The following ARHGAP29 variants were observed in gnomAD, a reference collection of about 807,000 sequenced individuals.
ARHGAP29 encodes the protein Rho GTPase activating protein 29, also known as rho GTPase-activating protein 29.
A neutral mutation model predicts 122.6 loss-of-function variants in ARHGAP29; 43 were observed. That is an observed-to-expected ratio of 0.35 (90% CI 0.27 to 0.45). The LOEUF is 0.45. ARHGAP29 is among the 20% of genes least tolerant of loss of function. ARHGAP29 has a pLI of 1.00. For synonymous variants in ARHGAP29, 506 were observed against 497.1 expected, an observed-to-expected ratio of 1.02 and a Z score of -0.24; for missense variants, 1,303 against 1,477.2, an observed-to-expected ratio of 0.88 and a Z score of 1.93.
At chr1:94,289,158 A>G in the ARHGAP29 span, among the ~76,000 whole-genome samples, 1 of 152,008 alleles carries the variant, frequency 6.6e-6, no homozygotes, top group Non-Finnish European at 1.5e-5. Flanking sequence ...GTCCTCTTTC[A>G]TTTTGTTGAG....
At chr1:94,277,553 A>G (rs1655233596), upstream of ARHGAP29, among the ~76,000 whole-genome samples, 1 of 152,204 alleles carries the variant, frequency 6.6e-6, no homozygotes, top group Admixed American at 6.5e-5. Context: ...TTTTGAAAGT[A>G]CCAATTATTT....
intron 7 of ARHGAP29, 69 bp from the exon 8 acceptor site, chr1:94,204,063 A>C (rs1651037585): frequency 1.6e-6 from 2 of 1,229,652 alleles, no homozygotes; most frequent in Admixed American, 3.7e-5. Flanking sequence ...CTCTAAAATT[A>C]CTTGTAGTAA....
intron 16 of ARHGAP29, 110 bp from the exon 17 acceptor site, chr1:94,185,591 A>C (rs1016842632): frequency 5.0e-6 from 5 of 999,618 alleles, no homozygotes; most frequent in Non-Finnish European, 6.7e-6. Context: ...ATATTATAAA[A>C]AGCTTTGAAT....
At chr1:94,265,043 A>G (rs1242302281) in intron 1 of ARHGAP29, among the ~76,000 whole-genome samples, 1 of 152,192 alleles carries the variant, frequency 6.6e-6, no homozygotes, top group African/African-American at 2.4e-5. Flanking sequence ...CAGAATATGA[A>G]AGGAGTGTAT....
chr1:94,310,731 A>G, the ARHGAP29 span, among the ~76,000 whole-genome samples: 1 of 151,718 alleles, frequency 6.6e-6, no homozygotes, highest in Non-Finnish European at 1.5e-5. Context: ...TTGTGTTTAT[A>G]CCCTCAAATT....
chr1:94,202,556 C>T lies in ARHGAP29; in HGVS notation c.1131G>A (p.Glu377=). ...QLEKKRRLEE[E]ALQKVEEANE... ...AAAAGATCGTTACTTTTTGGAGAGC[C>T]TCCTCTTCCAACCTTCGCTTTTTTT... Residue 377 remains glutamate, a synonymous_variant, in exon 11 of 23, where the codon GAG becomes GAA. Transcript: ENST00000260526. The T allele has an allele frequency of 6.2e-7, 1 of 1,613,906 alleles. No individual in the cohort carries two copies. Among genetic ancestry groups the T allele is most frequent in the South Asian group, 1.1e-5 (1 of 90,978 alleles).
intron 12 of ARHGAP29, chr1:94,190,583 T>G (rs1650072672): frequency 6.6e-6 from 1 of 152,510 alleles, no homozygotes; most frequent in Admixed American, 6.5e-5. Context: ...CAAAATAAAT[T>G]ATTCCATTGA....
chr1:94,290,851 T>G, the ARHGAP29 span, among the ~76,000 whole-genome samples: 1 of 152,232 alleles, frequency 6.6e-6, no homozygotes, highest in South Asian at 2.1e-4. Flanking sequence ...AATTATGTGG[T>G]CAATTTTAGA....
intron 2 of ARHGAP29, among the ~76,000 whole-genome samples, chr1:94,224,671 G>C (rs1199669408): frequency 6.6e-6 from 1 of 151,914 alleles, no homozygotes; most frequent in Non-Finnish European, 1.5e-5. Flanking sequence ...AAAGGTCCTG[G>C]GAGTCCCTGC....
chr1:94,304,854 G>A, the ARHGAP29 span, among the ~76,000 whole-genome samples: 4 of 152,220 alleles, frequency 2.6e-5, no homozygotes, highest in Admixed American at 6.5e-5. Context: ...GTCAGTTCAG[G>A]ACATAATGAT....
rs764465536 is a variant in ARHGAP29 at position 94,181,410 on chromosome 1, G to A, written c.2248-1453C>T. ...GCAATGTCAAACACAAAGGACAGAC[G>A]GGCAACTATCTGAAAATGGGGATTT... is the stretch of plus-strand genomic sequence containing the variant. On this transcript the variant is annotated intron_variant, in intron 19 of 22. Coordinates refer to ENST00000260526, the MANE Select transcript of ARHGAP29 (RefSeq NM_004815.4). Among the ~76,000 whole-genome samples the A allele has an allele frequency of 5.3e-5, 8 of 152,222 alleles. No individual in the cohort carries two copies. The Middle Eastern group carries it at 0.01, about 194-fold the overall frequency.
At chr1:94,198,974 G>T (rs942403683) in intron 12 of ARHGAP29, among the ~76,000 whole-genome samples, 1 of 152,114 alleles carries the variant, frequency 6.6e-6, no homozygotes, top group African/African-American at 2.4e-5. Flanking sequence ...GAGACACTGG[G>T]GCTTTATAAA....
chr1:94,170,752 T>C lies in ARHGAP29; in HGVS notation c.*3117A>G, dbSNP rs1302495891. 6.6e-6 allele frequency among the ~76,000 whole-genome samples: 1 copy of C among 152,176 alleles called. No homozygotes were observed. Among genetic ancestry groups the C allele is most frequent in the Non-Finnish European group, 1.5e-5 (1 of 68,026 alleles). ...CTTCTAATTCGTGTACATTATGGAG[T>C]ACTACATTTATTTAAGATCTCCTTA... On this transcript the variant is annotated 3_prime_UTR_variant, in exon 23 of 23. Transcript: ENST00000260526.
chr1:94,190,028 C>T lies in ARHGAP29; in HGVS notation c.1337G>A (p.Ser446Asn), dbSNP rs1650044200. 6.2e-7 allele frequency: 1 copy of T among 1,613,500 alleles called. No individual in the cohort carries two copies. Among genetic ancestry groups the T allele is most frequent in the East Asian group, 2.2e-5 (1 of 44,862 alleles). ...GGCACTATCACAGAGAGACTGTAAA[C>T]TGTCTGCAAGGGAAGCAGCCTGCAG... ...QHLQAASLAD[S>N]LQSLCDSAKL... The change falls in exon 13 of 23, where the codon AGT becomes AAT. Residue 446 changes from serine (S) to asparagine (N), a missense_variant. By Grantham distance (46) the Ser-to-Asn change is conservative. Coordinates refer to ENST00000260526, the MANE Select transcript of ARHGAP29 (RefSeq NM_004815.4).
chr1:94,240,909 A>C (rs1653548090), upstream of ARHGAP29, among the ~76,000 whole-genome samples: 1 of 152,170 alleles, frequency 6.6e-6, no homozygotes, highest in Non-Finnish European at 1.5e-5. Context: ...CCTGAAGACA[A>C]TTCTGTAGTT....
intron 1 of ARHGAP29, among the ~76,000 whole-genome samples, chr1:94,245,797 A>G (rs1447647254): frequency 2.0e-5 from 3 of 152,234 alleles, no homozygotes; most frequent in East Asian, 1.9e-4. Context: ...TGCTGAATGA[A>G]TAAGTGACAC....
intron 5 of ARHGAP29, among the ~76,000 whole-genome samples, chr1:94,206,075 A>C (rs1237202392): frequency 1.3e-5 from 2 of 152,172 alleles, no homozygotes; most frequent in Non-Finnish European, 2.9e-5. Context: ...TCATTTTACT[A>C]TATGATAAGC....
chr1:94,246,868 T>C (rs1478571556), intron 1 of ARHGAP29, among the ~76,000 whole-genome samples: 1 of 150,998 alleles, frequency 6.6e-6, no homozygotes, highest in Non-Finnish European at 1.5e-5. Context: ...CCTAGAGCCA[T>C]GGCTGGGAAA....
At chr1:94,185,570 T>C (rs530002604) in intron 16 of ARHGAP29, 89 bp from the exon 17 acceptor site, 2 of 1,129,972 alleles carry the variant, frequency 1.8e-6, no homozygotes, top group African/African-American at 1.6e-5. Flanking sequence ...TTAAACCCTG[T>C]AATCATTCAT....
Sources: gnomAD v4.1 joint callset for allele counts (sites outside exome capture counted in the v4.1 genomes callset) on GRCh38, gnomAD v4.1.1 for gene constraint, MANE v1.5 for transcripts, NCBI Gene and HGNC (gene_info 2026-07-23, HGNC 2026-07-21) for gene names.